The following SLIT1 variants were observed in gnomAD, a reference collection of about 807,000 sequenced individuals.
SLIT1 encodes slit homolog 1 protein.
In SLIT1, 66 loss-of-function variants were observed where a neutral mutation model predicts 186.1. The observed-to-expected ratio is 0.35, with a 90% confidence interval of 0.29 to 0.44. The LOEUF (loss-of-function observed/expected upper bound fraction) is 0.44. Among genes scored for constraint, SLIT1 ranks in the 20% least tolerant of loss-of-function variants. SLIT1 has a pLI of 1.00. For missense variants in SLIT1, 1,638 were observed against 2,037.4 expected, an observed-to-expected ratio of 0.80 and a Z score of 3.77; for synonymous variants, 761 against 833.8, an observed-to-expected ratio of 0.91 and a Z score of 1.50.
chr10:97,164,920 G>C, intron 1 of SLIT1, 30 bp from the exon 2 acceptor site: 1 of 1,560,130 alleles, frequency 6.4e-7, no homozygotes, highest in Non-Finnish European at 8.8e-7. Flanking sequence ...AGGAAGCAGT[G>C]GGGTGAGCAG....
intron 23 of SLIT1, among the ~76,000 whole-genome samples, chr10:97,032,381 C>T (rs2134610352): frequency 6.6e-6 from 1 of 152,040 alleles, no homozygotes; most frequent in Non-Finnish European, 1.5e-5. Context: ...ACAGCCTGAC[C>T]GACATGGCAA....
rs546934116 is a variant in SLIT1 at position 97,055,230 on chromosome 10, C to T, written c.1301+1091G>A. 2.6e-5 allele frequency among the ~76,000 whole-genome samples: 4 copies of T among 152,130 alleles called. No homozygotes were observed. In the South Asian group the frequency reaches 8.3e-4, roughly 32 times the overall value. On this transcript the variant is annotated intron_variant, in intron 13 of 36. Coordinates refer to ENST00000266058, the MANE Select transcript of SLIT1 (RefSeq NM_003061.3). The stretch of plus-strand genomic sequence containing the variant: ...ACACTCCAGCTCAAAAAACAAAAAA[C>T]AATCAAAAAAATTGCATAACATGTA...
At chr10:97,149,688 C>G (rs1165287241) in intron 4 of SLIT1, among the ~76,000 whole-genome samples, 1 of 152,142 alleles carries the variant, frequency 6.6e-6, no homozygotes, top group Non-Finnish European at 1.5e-5. Context: ...TAATCATACT[C>G]TAGTTCAAGG....
At chr10:97,031,507 C>A (rs764455054) in intron 24 of SLIT1, 99 bp downstream of exon 24, 23 of 893,840 alleles carry the variant, frequency 2.6e-5, no homozygotes, top group Non-Finnish European at 3.9e-5. Flanking sequence ...CATGGCACAG[C>A]GTGGGCCCTA....
chr10:97,031,831 T>C (rs1848594205), intron 23 of SLIT1, among the ~76,000 whole-genome samples, 154 bp from the exon 24 acceptor site: 1 of 152,260 alleles, frequency 6.6e-6, no homozygotes, highest in Admixed American at 6.5e-5. Context: ...TGGGCTGGGC[T>C]GCGCCCTAAG....
At position 97,064,939 on chromosome 10, in the gene SLIT1, A is replaced by G. The variant is rs149448991; in HGVS notation, c.486-63T>C. On this transcript the variant is annotated intron_variant, in intron 5 of 36. Coordinates refer to ENST00000266058, the MANE Select transcript of SLIT1 (RefSeq NM_003061.3). ...TTGCCTAGAGTAAGGGTGTCCAAACATTCTGACCGCGTGCTCCATTCATTC... is the reference window on the plus strand; with the variant it reads ...TTGCCTAGAGTAAGGGTGTCCAAACGTTCTGACCGCGTGCTCCATTCATTC... The G allele has an allele frequency of 2.1e-3, 2,724 of 1,309,372 alleles. 1 individual carries two copies. The highest frequency in any genetic ancestry group is 2.6e-3 in the Non-Finnish European group (2,420 of 922,058). The allele number at this position is 1,309,372 out of a possible 1,614,324, so 81.1% of individuals were successfully genotyped here. A position where few individuals can be genotyped will look rare whatever the true frequency, so the allele number is the denominator to read the frequency against.
intron 14 of SLIT1, among the ~76,000 whole-genome samples, 157 bp downstream of exon 14, chr10:97,048,798 G>T (rs1210045948): frequency 2.6e-5 from 4 of 151,666 alleles, no homozygotes; most frequent in African/African-American, 9.7e-5. Context: ...CAGGTGGGTA[G>T]GCGGGCAGGT....
chr10:97,019,190 C>A (rs565202000), intron 26 of SLIT1, 83 bp from the exon 27 acceptor site: 39 of 888,658 alleles, frequency 4.4e-5, no homozygotes, highest in Admixed American at 2.8e-4. Flanking sequence ...CCCGAGGAGC[C>A]CATGTCCAAG....
At chr10:97,099,030 G>A (rs1380555263) in intron 4 of SLIT1, among the ~76,000 whole-genome samples, 3 of 152,118 alleles carry the variant, frequency 2.0e-5, no homozygotes, top group African/African-American at 4.8e-5. Flanking sequence ...CCAAGGGAGC[G>A]AGCGTGTGTG....
intron 23 of SLIT1, 44 bp downstream of exon 23, chr10:97,034,427 G>T (rs1184266550): frequency 7.1e-7 from 1 of 1,402,492 alleles, no homozygotes; most frequent in Non-Finnish European, 1.0e-6. Flanking sequence ...ATGACTCACA[G>T]CCATGGCCCC....
intron 4 of SLIT1, among the ~76,000 whole-genome samples, chr10:97,126,311 G>A (rs897215528): frequency 2.0e-5 from 3 of 152,220 alleles, no homozygotes; most frequent in Non-Finnish European, 4.4e-5. Flanking sequence ...GTGTCTCTTA[G>A]AGACGAAGAC....
chr10:97,034,974 G>A (rs1161623043), intron 22 of SLIT1, among the ~76,000 whole-genome samples: 2 of 152,156 alleles, frequency 1.3e-5, no homozygotes, highest in African/African-American at 4.8e-5. Context: ...ATTTGACAAA[G>A]ACCCAGAGTC....
chr10:97,056,570 G>A (rs1396922771), intron 12 of SLIT1, 106 bp from the exon 13 acceptor site: 3 of 1,214,024 alleles, frequency 2.5e-6, no homozygotes, highest in Non-Finnish European at 1.2e-6. Flanking sequence ...TTACAGGGAG[G>A]AGCCCATCGG....
intron 4 of SLIT1, among the ~76,000 whole-genome samples, chr10:97,076,116 C>T (rs1849043275): frequency 6.6e-6 from 1 of 152,222 alleles, no homozygotes; most frequent in Non-Finnish European, 1.5e-5. Flanking sequence ...CCCACAGGCC[C>T]TTCCTGCATT....
Position 97,043,289 on chromosome 10 carries a change from G to T in SLIT1, c.1997+81C>A. The stretch of plus-strand genomic sequence containing the variant: ...CGAAGACCCAGCACCCCCAGGGTGA[G>T]CTCTTTCAAAGTGGCTGGCCGAGAC... On this transcript the variant is annotated intron_variant, in intron 19 of 36. Coordinates refer to ENST00000266058, the MANE Select transcript of SLIT1 (RefSeq NM_003061.3). This position sits in a 1 kb window ranked among gnomAD's most constrained non-coding sequence, Gnocchi z 7.0. The T allele has an allele frequency of 6.4e-7, 1 of 1,558,978 alleles. No homozygotes were observed. The highest frequency in any genetic ancestry group is 8.8e-7 in the Non-Finnish European group (1 of 1,135,974).
intron 4 of SLIT1, among the ~76,000 whole-genome samples, chr10:97,104,480 T>G (rs747802500): frequency 1.1e-4 from 16 of 152,166 alleles, no homozygotes; most frequent in South Asian, 6.2e-4. Context: ...TCAATTAACA[T>G]CAGCAACTGT....
At chr10:97,026,515 C>A (rs1355316657) in intron 25 of SLIT1, among the ~76,000 whole-genome samples, 2 of 151,604 alleles carry the variant, frequency 1.3e-5, no homozygotes, top group African/African-American at 4.9e-5. Context: ...TTGTCTTTAT[C>A]ATCATTATTA....
At chr10:97,013,171 T>A (rs2134593671) in intron 30 of SLIT1, among the ~76,000 whole-genome samples, 1 of 152,318 alleles carries the variant, frequency 6.6e-6, no homozygotes, top group South Asian at 2.1e-4. Context: ...TAATCAGACT[T>A]ATTCACATTT....
At chr10:97,008,369 G>A (rs770672583) in intron 31 of SLIT1, among the ~76,000 whole-genome samples, 1 of 152,220 alleles carries the variant, frequency 6.6e-6, no homozygotes, top group Non-Finnish European at 1.5e-5. Context: ...AGGCATTCAT[G>A]TTCATGGATC....
Sources: gnomAD v4.1 joint callset for allele counts (sites outside exome capture counted in the v4.1 genomes callset) on GRCh38, gnomAD v4.1.1 for gene constraint, Gnocchi (gnomAD v3.1) non-coding constraint, MANE v1.5 for transcripts, NCBI Gene and HGNC (gene_info 2026-07-23, HGNC 2026-07-21) for gene names.